AUTS2: variants seen among roughly 807,000 people sequenced by gnomAD.
AUTS2 encodes activator of transcription and developmental regulator AUTS2.
Under a neutral mutation model 112.4 loss-of-function variants are expected in AUTS2, and 17 were observed. The observed-to-expected ratio is 0.15, with a 90% CI of 0.10 to 0.23. The LOEUF is 0.23. Ranked by LOEUF, AUTS2 falls within the 10% of genes least tolerant of loss-of-function variation. The pLI is 1.00. For synonymous variants in AUTS2, 751 were observed against 702.7 expected (o/e 1.07, Z -1.09); for missense variants, 1,510 against 1,701.6 (o/e 0.89, Z 1.98).
intron 2 of AUTS2, among the ~76,000 whole-genome samples, chr7:70,003,337 ATATGTATGAATATGT>A (rs1799313877): frequency 7.7e-6 from 1 of 130,246 alleles, no homozygotes; most frequent in Admixed American, 8.5e-5. Context: ...TGAATATATA[ATATGTATGAATATGT>A]TATATATGAA....
chr7:70,097,990 G>T (rs577904024), intron 2 of AUTS2, among the ~76,000 whole-genome samples: 1 of 152,138 alleles, frequency 6.6e-6, no homozygotes, highest in African/African-American at 2.4e-5. Flanking sequence ...TAAATAATAC[G>T]TAGAATCAGC....
At chr7:70,443,566 C>T (rs767407904) in intron 5 of AUTS2, among the ~76,000 whole-genome samples, 1 of 152,204 alleles carries the variant, frequency 6.6e-6, no homozygotes, top group Admixed American at 6.5e-5. Context: ...TCTTTCGTCT[C>T]TCTCAGTCTT....
chr7:70,410,350 A>G (rs1489665736), intron 4 of AUTS2, among the ~76,000 whole-genome samples: 1 of 152,110 alleles, frequency 6.6e-6, no homozygotes, highest in Non-Finnish European at 1.5e-5. Context: ...CAGATTTCAT[A>G]TCTTAAATCT....
chr7:70,514,828 T>C (rs1015777888), intron 5 of AUTS2, among the ~76,000 whole-genome samples: 3 of 152,230 alleles, frequency 2.0e-5, no homozygotes, highest in African/African-American at 7.2e-5. Flanking sequence ...GACATTTTAA[T>C]ATTCTCCTGT....
chr7:70,395,351 GCTCAAACTT>G (rs1328564219), intron 4 of AUTS2, among the ~76,000 whole-genome samples: 1 of 152,064 alleles, frequency 6.6e-6, no homozygotes, highest in African/African-American at 2.4e-5. Flanking sequence ...GGTTATCCTG[GCTCAAACTT>G]GCCACATCTT....
intron 1 of AUTS2, chr7:69,825,950 A>G (rs1433489860): frequency 2.6e-5 from 4 of 152,134 alleles, no homozygotes; most frequent in African/African-American, 7.2e-5. Flanking sequence ...GTGGTTCTGC[A>G]CTCCAACTGG....
chr7:69,640,367 C>T (rs927928533), intron 1 of AUTS2, among the ~76,000 whole-genome samples: 2 of 152,152 alleles, frequency 1.3e-5, no homozygotes, highest in Non-Finnish European at 2.9e-5. Flanking sequence ...AGTGCAGGGG[C>T]TTTGTCTCTC....
chr7:70,474,773 T>C (rs1315136792), intron 5 of AUTS2, among the ~76,000 whole-genome samples: 2 of 152,166 alleles, frequency 1.3e-5, no homozygotes, highest in Non-Finnish European at 2.9e-5. Context: ...ATGCAAGAAC[T>C]CATGCAGGAA....
At chr7:70,336,444 C>T (rs56410838) in intron 4 of AUTS2, among the ~76,000 whole-genome samples, 13,060 of 152,098 alleles carry the variant, frequency 0.086, 764 homozygotes, top group African/African-American at 0.16. Flanking sequence ...TTTCAATTTG[C>T]CCACATGGAG....
At chr7:70,506,838 A>G (rs3113277) in intron 5 of AUTS2, among the ~76,000 whole-genome samples, 81,914 of 152,142 alleles carry the variant, frequency 0.54, 23,324 homozygotes, top group African/African-American at 0.71. Flanking sequence ...ATGCAGGTAC[A>G]TGTATGGTGT....
At chr7:70,410,513 T>A (rs578212513) in intron 4 of AUTS2, among the ~76,000 whole-genome samples, 47 of 151,958 alleles carry the variant, frequency 3.1e-4, no homozygotes, top group African/African-American at 9.2e-4. Context: ...ACCCTTGATC[T>A]TCTGGGCTTG....
chr7:69,840,165 T>A (rs1791910375), intron 1 of AUTS2, among the ~76,000 whole-genome samples: 1 of 152,168 alleles, frequency 6.6e-6, no homozygotes, highest in African/African-American at 2.4e-5. Flanking sequence ...ACTTCAATTG[T>A]GTGTCAGTGA....
Position 70,416,443 on chromosome 7 carries a change from G to A in AUTS2, c.661-19309G>A, listed in dbSNP as rs149697666. ...TGGTGAGAACAGGCAGCTTGCTTTC[G>A]GTGGGCTCTTTTGAATGGGCCTTGC... is the stretch of plus-strand genomic sequence containing the variant. On this transcript the variant is annotated intron_variant, in intron 4 of 18. Coordinates refer to ENST00000342771, the MANE Select transcript of AUTS2 (RefSeq NM_015570.4). 3.9e-4 allele frequency among the ~76,000 whole-genome samples: 59 copies of A among 152,222 alleles called. No homozygotes were observed. The East Asian group carries it at 0.011, about 28-fold the overall frequency.
chr7:69,872,832 TTC>T (rs1793559066), intron 1 of AUTS2, among the ~76,000 whole-genome samples: 2 of 136,680 alleles, frequency 1.5e-5, no homozygotes, highest in Non-Finnish European at 3.1e-5. Context: ...GTAGCCTATA[TTC>T]TTTTTTTTTT....
chr7:70,710,935 A>G (rs965056762), intron 6 of AUTS2, among the ~76,000 whole-genome samples: 4 of 152,268 alleles, frequency 2.6e-5, no homozygotes, highest in East Asian at 1.9e-4. Flanking sequence ...CCTCTTCCCA[A>G]GATGTTAGAC....
chr7:70,648,824 G>A (rs1224231008), intron 5 of AUTS2, among the ~76,000 whole-genome samples: 1 of 152,068 alleles, frequency 6.6e-6, no homozygotes, highest in East Asian at 1.9e-4. Context: ...TACCTCAAAT[G>A]ATCTGCCTGC....
rs534533345 is a variant in AUTS2 at position 70,563,497 on chromosome 7, C to A, written c.690+127716C>A. Among the ~76,000 whole-genome samples the A allele has an allele frequency of 2.6e-5, 4 of 152,288 alleles. No individual in the cohort carries two copies. The East Asian group carries it at 7.7e-4, about 29-fold the overall frequency. On this transcript the variant is annotated intron_variant, in intron 5 of 18. Transcript: ENST00000342771. The stretch of plus-strand genomic sequence containing the variant: ...TGTTAATAGATGTCACTGGTTTTGT[C>A]TGTCTTAACGGATTCTGTTTCTCAC...
At chr7:70,773,611 T>G (rs1048487484) in intron 11 of AUTS2, among the ~76,000 whole-genome samples, 1 of 152,258 alleles carries the variant, frequency 6.6e-6, no homozygotes, top group Non-Finnish European at 1.5e-5. Flanking sequence ...GTTATTCTGA[T>G]GAGAAACACC....
At chr7:70,779,386 A>T (rs896712684) in intron 14 of AUTS2, among the ~76,000 whole-genome samples, 1 of 152,176 alleles carries the variant, frequency 6.6e-6, no homozygotes, top group Non-Finnish European at 1.5e-5. Flanking sequence ...GGGGGCATGC[A>T]TCCTTCCTGG....
Sources: gnomAD v4.1 joint callset for allele counts (sites outside exome capture counted in the v4.1 genomes callset) on GRCh38, gnomAD v4.1.1 for gene constraint, MANE v1.5 for transcripts, NCBI Gene and HGNC (gene_info 2026-07-23, HGNC 2026-07-21) for gene names.